HOMER3: variants seen among roughly 807,000 people sequenced by gnomAD.
The protein encoded by HOMER3 is homer protein homolog 3.
In HOMER3, 34 loss-of-function variants were observed where a neutral mutation model predicts 45.5. The observed-to-expected ratio is 0.75, with a 90% CI of 0.57 to 1.00. HOMER3 has a LOEUF of 1.00. Ranked by LOEUF, HOMER3 falls within the 50% of genes least tolerant of loss-of-function variation. The pLI, the probability that HOMER3 is intolerant of heterozygous loss-of-function variation, is 0.00. For synonymous variants in HOMER3, 223 were observed against 208.8 expected, an observed-to-expected ratio of 1.07 and a Z score of -0.58; for missense variants, 480 against 497.5, an observed-to-expected ratio of 0.96 and a Z score of 0.33.
intron 8 of HOMER3, 42 bp from the exon 9 acceptor site, chr19:18,931,453 G>T (rs1601272181): frequency 6.2e-7 from 1 of 1,612,596 alleles, no homozygotes; most frequent in Non-Finnish European, 8.5e-7. Flanking sequence ...GGGGGTCCTG[G>T]CTTTCCCACA....
intron 5 of HOMER3, 29 bp from the exon 6 acceptor site, chr19:18,933,074 AC>A: frequency 6.8e-7 from 1 of 1,463,878 alleles, no homozygotes; most frequent in Non-Finnish European, 9.0e-7. Flanking sequence ...ATAGGTCACG[AC>A]CCCACATCAG....
Position 18,938,946 on chromosome 19 carries a change from G to T in HOMER3, c.14+23C>A, listed in dbSNP as rs750189511. ...CCCCCACTTAGAAAGCTCAGGGCCA[G>T]GCTGGGGGAGGTGGGAGCTCACCTG... On this transcript the variant is annotated intron_variant, in intron 2 of 9. Coordinates refer to ENST00000392351, the MANE Select transcript of HOMER3 (RefSeq NM_004838.4). 6 of 1,607,030 alleles carry T rather than the reference G, an allele frequency of 3.7e-6. No individual in the cohort carries two copies. In the East Asian group the frequency reaches 1.3e-4, roughly 36 times the overall value.
At chr19:18,929,945 C>G (rs1040778449) in intron 9 of HOMER3, among the ~76,000 whole-genome samples, 8 of 151,968 alleles carry the variant, frequency 5.3e-5, no homozygotes. Context: ...TCCCAAGTAG[C>G]TGGGATTACA....
intron 4 of HOMER3, among the ~76,000 whole-genome samples, chr19:18,936,439 C>G (rs1281267046): frequency 6.6e-6 from 1 of 150,890 alleles, no homozygotes; most frequent in Non-Finnish European, 1.5e-5. Context: ...GAGTTTGAGA[C>G]CAGCCTGGCC....
rs1020417998 is a variant in HOMER3 at position 18,929,290 on chromosome 19, G to T, written c.*153C>A. The T allele has an allele frequency of 1.2e-6, 1 of 841,086 alleles. No homozygotes were observed. Among genetic ancestry groups the T allele is most frequent in the Non-Finnish European group, 2.0e-6 (1 of 488,138 alleles). The allele number at this position is 841,086 out of a possible 1,614,324, so 52.1% of individuals were successfully genotyped here. A position where few individuals can be genotyped will look rare whatever the true frequency, so the allele number is the denominator to read the frequency against. ...CCCAAAGCTGCCAACAACCAGAGCC[G>T]ACTGGGGCCCACCCCAGCCCAGCCC... On this transcript the variant is annotated 3_prime_UTR_variant, in exon 10 of 10. Transcript: ENST00000392351.
chr19:18,940,900 C>T (rs965913735), intron 1 of HOMER3, 151 bp downstream of exon 1: 2 of 152,378 alleles, frequency 1.3e-5, no homozygotes, highest in East Asian at 1.9e-4. Flanking sequence ...TTCGGGACCC[C>T]CGCGCTCCCT....
chr19:18,935,955 G>T lies in HOMER3; in HGVS notation c.304-1545C>A, dbSNP rs555953379. On this transcript the variant is annotated intron_variant, in intron 4 of 9. Coordinates refer to ENST00000392351, the MANE Select transcript of HOMER3 (RefSeq NM_004838.4). Reference sequence around the variant, plus strand: ...AATTGCTTGAGCCCAGGAGGTGGAGGTTGCAGTGAGCTGAGATTGTGCCAT... The same window carrying T: ...AATTGCTTGAGCCCAGGAGGTGGAGTTTGCAGTGAGCTGAGATTGTGCCAT... 2.0e-5 allele frequency among the ~76,000 whole-genome samples: 3 copies of T among 150,840 alleles called. No homozygotes were observed. In the South Asian group the frequency reaches 6.3e-4, roughly 32 times the overall value.
chr19:18,934,764 C>G lies in HOMER3; in HGVS notation c.304-354G>C, dbSNP rs139126982. On this transcript the variant is annotated intron_variant, in intron 4 of 9. Transcript: ENST00000392351. ...CTCAAGTGACCCTTCCACCTTACCC[C>G]TCCACCAAGGAGCTGGGACTACAGG... Among the ~76,000 whole-genome samples the G allele has an allele frequency of 3.1e-3, 471 of 152,244 alleles. 1 individual carries two copies. Among genetic ancestry groups the G allele is most frequent in the Non-Finnish European group, 5.0e-3 (339 of 68,022 alleles).
intron 4 of HOMER3, 71 bp downstream of exon 4, chr19:18,938,282 A>C: frequency 6.6e-6 from 10 of 1,524,004 alleles, no homozygotes; most frequent in Non-Finnish European, 8.9e-6. Context: ...CCAAGATCCC[A>C]GAGTGAGCCC....
At chr19:18,932,574 T>G (rs2057048134) in intron 6 of HOMER3, among the ~76,000 whole-genome samples, 1 of 148,800 alleles carries the variant, frequency 6.7e-6, no homozygotes, top group Non-Finnish European at 1.5e-5. Context: ...GCACGTGGAG[T>G]CCGCCCAGTG....
intron 4 of HOMER3, 91 bp downstream of exon 4, chr19:18,938,262 G>C: frequency 7.1e-7 from 1 of 1,407,258 alleles, no homozygotes; most frequent in East Asian, 2.3e-5. Flanking sequence ...TGGGAAGATA[G>C]GGGACCTGCC....
intron 3 of HOMER3, 24 bp downstream of exon 3, chr19:18,938,704 G>GGCC: frequency 3.2e-6 from 5 of 1,561,818 alleles, no homozygotes; most frequent in Non-Finnish European, 3.5e-6. Context: ...TGGTGCCTCT[G>GGCC]CCCCACCCAG....
chr19:18,931,676 G>A (rs762371193), intron 7 of HOMER3, 51 bp from the exon 8 acceptor site: 2 of 1,542,110 alleles, frequency 1.3e-6, no homozygotes, highest in Admixed American at 2.0e-5. Context: ...ACTCTCCCTT[G>A]CTCGCCCAAC....
chr19:18,934,185 G>C, intron 5 of HOMER3, 118 bp downstream of exon 5: 1 of 546,048 alleles, frequency 1.8e-6, no homozygotes, highest in Non-Finnish European at 3.1e-6. Context: ...GGAAGCATTG[G>C]GTCTTGACGA....
chr19:18,934,248 C>T lies in HOMER3; in HGVS notation c.411+55G>A, dbSNP rs58877040. 5,998 of 1,051,562 alleles carry T rather than the reference C, an allele frequency of 5.7e-3. 230 individuals carry two copies. In the African/African-American group the frequency reaches 0.082, roughly 14 times the overall value. The allele number at this position is 1,051,562 out of a possible 1,614,324, so 65.1% of individuals were successfully genotyped here. A position where few individuals can be genotyped will look rare whatever the true frequency, so the allele number is the denominator to read the frequency against. ...TCAAGGTCCCCCAATATCAGTTGAG[C>T]GCCTGGCTGACTCACAGGTGCCCAG... On this transcript the variant is annotated intron_variant, in intron 5 of 9. Transcript: ENST00000392351.
At position 18,938,336 on chromosome 19, in the gene HOMER3, C is replaced by T; in HGVS notation, c.303+17G>A. 6.3e-7 allele frequency: 1 copy of T among 1,596,426 alleles called. No individual in the cohort carries two copies. The highest frequency in any genetic ancestry group is 1.1e-5 in the South Asian group (1 of 90,428). On this transcript the variant is annotated intron_variant, in intron 4 of 9. Transcript: ENST00000392351. The stretch of plus-strand genomic sequence containing the variant: ...AGTCTCATCGGTTCCCTCCACTCTC[C>T]CCCTCACCCGGCCCACCTGTGTCAG...
In HOMER3 at chr19:18,941,196, T is replaced by C. The variant is rs1436567781; in HGVS notation, c.-213A>G. Reference sequence around the variant, plus strand: ...CCGCCCTCCACGCCGCCCGTGCCTTTGTCTGCGCCGCCGCCGCCCGCGCCG... The same window carrying C: ...CCGCCCTCCACGCCGCCCGTGCCTTCGTCTGCGCCGCCGCCGCCCGCGCCG... On this transcript the variant is annotated 5_prime_UTR_variant, in exon 1 of 10. Coordinates refer to ENST00000392351, the MANE Select transcript of HOMER3 (RefSeq NM_004838.4). 2.8e-4 allele frequency: 42 copies of C among 147,702 alleles called. No individual in the cohort carries two copies. The highest frequency in any genetic ancestry group is 3.4e-3 in the Middle Eastern group (1 of 290). The allele number at this position is 147,702 out of a possible 1,614,324, so 9.1% of individuals were successfully genotyped here. A position where few individuals can be genotyped will look rare whatever the true frequency, so the allele number is the denominator to read the frequency against.
At chr19:18,933,103 G>A in intron 5 of HOMER3, 58 bp from the exon 6 acceptor site, 1 of 1,414,608 alleles carries the variant, frequency 7.1e-7, no homozygotes, top group Non-Finnish European at 9.2e-7. Flanking sequence ...CAAGGCTGAT[G>A]TGACTGGGGT....
At chr19:18,930,116 G>T (rs957929160) in intron 9 of HOMER3, among the ~76,000 whole-genome samples, 1 of 151,966 alleles carries the variant, frequency 6.6e-6, no homozygotes, top group Admixed American at 6.6e-5. Context: ...TGGGCATGGT[G>T]GTGCACACCT....
Sources: gnomAD v4.1 joint callset for allele counts (sites outside exome capture counted in the v4.1 genomes callset) on GRCh38, gnomAD v4.1.1 for gene constraint, MANE v1.5 for transcripts, NCBI Gene and HGNC (gene_info 2026-07-23, HGNC 2026-07-21) for gene names.